Variants in DNAH11 observed in about 807,000 individuals in gnomAD.
DNAH11 encodes the protein axonemal beta dynein heavy chain 11.
In DNAH11, 442 loss-of-function variants were observed where a neutral mutation model predicts 526.0. That is an observed-to-expected ratio of 0.84 (90% confidence interval 0.78 to 0.91). The LOEUF is 0.91. Ranked by LOEUF, DNAH11 falls within the 40% of genes least tolerant of loss-of-function variation. DNAH11 has a pLI of 0.00. For synonymous variants in DNAH11, 2,461 were observed against 1,935.9 expected (o/e 1.27, Z -7.12); for missense variants, 6,989 against 5,448.7 (o/e 1.28, Z -8.90).
chr7:21,615,582 G>A (rs554264804), intron 21 of DNAH11, among the ~76,000 whole-genome samples: 1 of 151,700 alleles, frequency 6.6e-6, no homozygotes, highest in Non-Finnish European at 1.5e-5. Flanking sequence ...TATTACATGT[G>A]TAGTCATCTG....
intron 21 of DNAH11, among the ~76,000 whole-genome samples, chr7:21,615,595 C>G (rs1274545591): frequency 2.0e-5 from 3 of 151,738 alleles, no homozygotes; most frequent in Non-Finnish European, 4.4e-5. Context: ...GTCATCTGTG[C>G]ATACCAACTC....
In DNAH11 at chr7:21,893,235, G is replaced by A. The variant is rs576412591; in HGVS notation, c.12750+568G>A. 2.6e-5 allele frequency among the ~76,000 whole-genome samples: 4 copies of A among 152,366 alleles called. No individual in the cohort carries two copies. In the East Asian group the frequency reaches 7.7e-4, roughly 29 times the overall value. ...GGATTGCCAGATAACAGGGTATAAT[G>A]TGTAGCTTTAATAGTATTCCCAATC... On this transcript the variant is annotated intron_variant, in intron 77 of 81. Transcript: ENST00000409508.
At chr7:21,871,049 A>C (rs887507673) in intron 73 of DNAH11, among the ~76,000 whole-genome samples, 3 of 152,254 alleles carry the variant, frequency 2.0e-5, no homozygotes, top group Non-Finnish European at 2.9e-5. Flanking sequence ...TAACGTGGGT[A>C]TATGATATGT....
intron 64 of DNAH11, 103 bp from the exon 65 acceptor site, chr7:21,818,114 C>T: frequency 3.5e-6 from 4 of 1,147,728 alleles, no homozygotes; most frequent in East Asian, 2.7e-5. Flanking sequence ...TAAGTTTGTC[C>T]CATTTAGAAT....
intron 2 of DNAH11, among the ~76,000 whole-genome samples, chr7:21,549,975 C>T (rs1341115399): frequency 6.6e-6 from 1 of 152,254 alleles, no homozygotes; most frequent in Middle Eastern, 3.4e-3. Flanking sequence ...AGGGGGGAGT[C>T]CCCTGCCCGT....
intron 28 of DNAH11, among the ~76,000 whole-genome samples, chr7:21,643,638 G>T (rs1002894971): frequency 1.3e-5 from 2 of 152,196 alleles, no homozygotes; most frequent in African/African-American, 4.8e-5. Flanking sequence ...ATTTGATTCA[G>T]TAATTGGAAA....
At chr7:21,720,595 C>T (rs1324535393) in intron 43 of DNAH11, 130 bp from the exon 44 acceptor site, 3 of 1,061,928 alleles carry the variant, frequency 2.8e-6, no homozygotes, top group African/African-American at 3.3e-5. Flanking sequence ...TTTGTCTCTC[C>T]CAATGTAGCA....
chr7:21,626,524 A>G (rs1786341557), intron 25 of DNAH11, among the ~76,000 whole-genome samples: 1 of 152,114 alleles, frequency 6.6e-6, no homozygotes, highest in Admixed American at 6.6e-5. Flanking sequence ...AACTCTCCGT[A>G]CTGTTCTCCA....
Position 21,639,027 on chromosome 7 carries a change from T to A in DNAH11, c.4906T>A (p.Leu1636Ile). ...CTTCTATTTCGTCTCTTCTGCTGATTTACTTGACATTCTCTCAAAAGGAGC... is the reference window on the plus strand; with the variant it reads ...CTTCTATTTCGTCTCTTCTGCTGATATACTTGACATTCTCTCAAAAGGAGC... ...PRFYFVSSAD[L>I]LDILSKGAQP... The change falls in exon 28 of 82, where the codon TTA becomes ATA. Residue 1636 changes from leucine to isoleucine, a missense_variant. Transcript: ENST00000409508. 1 of 1,613,640 alleles carries A rather than the reference T, an allele frequency of 6.2e-7. No individual in the cohort carries two copies. Among genetic ancestry groups the A allele is most frequent in the South Asian group, 1.1e-5 (1 of 90,982 alleles).
intron 18 of DNAH11, among the ~76,000 whole-genome samples, chr7:21,604,675 A>C (rs1430138803): frequency 6.6e-6 from 1 of 152,200 alleles, no homozygotes; most frequent in Non-Finnish European, 1.5e-5. Context: ...TTGGGTTTCA[A>C]GAAAATTTAT....
intron 79 of DNAH11, among the ~76,000 whole-genome samples, chr7:21,897,393 C>G (rs1361299905): frequency 6.6e-6 from 1 of 151,952 alleles, no homozygotes; most frequent in Non-Finnish European, 1.5e-5. Flanking sequence ...GTAGCCATCA[C>G]TCTCCTCTTG....
chr7:21,715,231 G>T (rs574668629), intron 42 of DNAH11, among the ~76,000 whole-genome samples: 3 of 152,120 alleles, frequency 2.0e-5, no homozygotes, highest in African/African-American at 7.2e-5. Context: ...CAACCCCAGA[G>T]GCCTGAGTAA....
chr7:21,803,514 T>C (rs1177706263), intron 62 of DNAH11, among the ~76,000 whole-genome samples: 1 of 152,180 alleles, frequency 6.6e-6, no homozygotes, highest in Non-Finnish European at 1.5e-5. Context: ...GCTGATGTTT[T>C]TCTGGAAATG....
chr7:21,726,688 C>T (rs1447100345), intron 45 of DNAH11, among the ~76,000 whole-genome samples: 7 of 150,510 alleles, frequency 4.7e-5, no homozygotes, highest in East Asian at 4.1e-4. Context: ...GGTGAAACCC[C>T]ATCTCTACTA....
chr7:21,802,937 T>A (rs1789059478), intron 62 of DNAH11, among the ~76,000 whole-genome samples: 1 of 149,620 alleles, frequency 6.7e-6, no homozygotes, highest in South Asian at 2.1e-4. Flanking sequence ...TGTGCAAGTC[T>A]ATATATATAT....
At position 21,653,909 on chromosome 7, in the gene DNAH11, A is replaced by G. The variant is rs550114991; in HGVS notation, c.4945-1923A>G. ...TGCCAATATTGGTGTTGGTCTTGTC[A>G]TGCAGAAAATTTAGGCAGGTTGCTA... On this transcript the variant is annotated intron_variant, in intron 28 of 81. Transcript: ENST00000409508. Among the ~76,000 whole-genome samples the G allele has an allele frequency of 9.2e-5, 14 of 152,338 alleles. No individual in the cohort carries two copies. In the East Asian group the frequency reaches 2.3e-3, roughly 25 times the overall value.
intron 20 of DNAH11, among the ~76,000 whole-genome samples, chr7:21,612,084 TAGAGCACTATTAATA>T (rs1785542753): frequency 6.6e-6 from 1 of 152,134 alleles, no homozygotes; most frequent in South Asian, 2.1e-4. Context: ...TTCAAAAATA[TAGAGCACTATTAATA>T]AGAAACTTAA....
Position 21,750,238 on chromosome 7 carries a change from G to C in DNAH11, c.8814G>C (p.Leu2938=), listed in dbSNP as rs1028924134. The C allele has an allele frequency of 1.2e-6, 2 of 1,605,614 alleles. No homozygotes were observed. Among genetic ancestry groups the C allele is most frequent in the African/African-American group, 1.3e-5 (1 of 74,940 alleles). ...TTGGGGCAGGAGAAATCCCAGATCTGTTCAGCGATGAAGATGTGGACAAGA... is the reference window on the plus strand; with the variant it reads ...TTGGGGCAGGAGAAATCCCAGATCTCTTCAGCGATGAAGATGTGGACAAGA... ...DLLASGEIPD[L]FSDEDVDKII... is the part of the protein sequence containing the mutation. Residue 2938 remains leucine (L), a synonymous_variant, in exon 54 of 82, where the codon CTG becomes CTC. Transcript: ENST00000409508.
intron 25 of DNAH11, among the ~76,000 whole-genome samples, chr7:21,635,558 G>A (rs1786821364): frequency 6.6e-6 from 1 of 152,122 alleles, no homozygotes; most frequent in Non-Finnish European, 1.5e-5. Context: ...AATTCCCAGT[G>A]CTGAACCCCC....
Sources: allele counts gnomAD v4.1 joint callset (sites outside exome capture counted in the v4.1 genomes callset), GRCh38; gene constraint gnomAD v4.1.1; transcripts MANE v1.5; gene names NCBI Gene and HGNC (gene_info 2026-07-23, HGNC 2026-07-21).